The following C1S variants were observed in gnomAD, a reference collection of about 807,000 sequenced individuals.
C1S encodes complement C1s, also known as complement C1s subcomponent.
C1S carries 31 observed loss-of-function variants against 54.0 expected under a neutral mutation model. That is an observed-to-expected ratio of 0.57 (90% CI 0.43 to 0.78). The LOEUF (loss-of-function observed/expected upper bound fraction) is 0.78, where lower values mean the gene tolerates loss of function less well. Ranked by LOEUF, C1S falls within the 30% of genes least tolerant of loss-of-function variation. The pLI is 0.00. For missense variants in C1S, 727 were observed against 851.8 expected (o/e 0.85, Z 1.82); for synonymous variants, 292 against 303.6 (o/e 0.96, Z 0.40).
chr12:7,062,905 A>C lies in C1S; in HGVS notation c.229A>C (p.Thr77Pro), dbSNP rs1555161471. ...CTTCTCTTAGATAATCTCAGGAGAC[A>C]CTGAAGAAGGGAGGCTCTGTGGACA... ...YDSVQIISGD[T>P]EEGRLCGQRS... Residue 77 changes from threonine to proline, a missense_variant, in exon 4 of 12, where the codon ACT becomes CCT. Thr to Pro is a conservative substitution (Grantham distance 38). Coordinates refer to ENST00000360817, the MANE Select transcript of C1S (RefSeq NM_001734.5). 1 of 1,613,900 alleles carries C rather than the reference A, an allele frequency of 6.2e-7. No homozygotes were observed. Among genetic ancestry groups the C allele is most frequent in the African/African-American group, 1.3e-5 (1 of 74,886 alleles).
At position 7,065,131 on chromosome 12, in the gene C1S, G is replaced by C. The variant is rs1555161915; in HGVS notation, c.549G>C (p.Leu183=). The C allele has an allele frequency of 4.3e-6, 7 of 1,614,058 alleles. No individual in the cohort carries two copies. The highest frequency in any genetic ancestry group is 5.1e-6 in the Non-Finnish European group (6 of 1,179,958). Residue 183 remains leucine, a synonymous_variant, in exon 6 of 12, where the codon CTG becomes CTC. Coordinates refer to ENST00000360817, the MANE Select transcript of C1S (RefSeq NM_001734.5). ...VNCSGDVFTA[L]IGEIASPNYP... Reference sequence around the variant, plus strand: ...GCAGTGGGGATGTATTCACTGCACTGATTGGGGAGATTGCAAGTCCCAATT... The same window carrying C: ...GCAGTGGGGATGTATTCACTGCACTCATTGGGGAGATTGCAAGTCCCAATT...
Position 7,067,635 on chromosome 12 carries a change from T to G in C1S, c.1067-8T>G, listed in dbSNP as rs200457590. On this transcript the variant is annotated splice_region_variant and splice_polypyrimidine_tract_variant and intron_variant, in intron 9 of 11. Coordinates refer to ENST00000360817, the MANE Select transcript of C1S (RefSeq NM_001734.5). Reference sequence around the variant, plus strand: ...CCTGACCATCGCTCTCCTTCCTTCGTCTGGTAGCTGTGGACTGTGGCATTC... The same window carrying G: ...CCTGACCATCGCTCTCCTTCCTTCGGCTGGTAGCTGTGGACTGTGGCATTC... The G allele has an allele frequency of 4.5e-5, 72 of 1,613,858 alleles. No individual in the cohort carries two copies. In the East Asian group the frequency reaches 1.5e-3, roughly 33 times the overall value.
Position 7,062,584 on chromosome 12 carries a change from T to C in C1S, c.115T>C (p.Ser39Pro), listed in dbSNP as rs927946520. 3 of 1,613,892 alleles carry C rather than the reference T, an allele frequency of 1.9e-6. No individual in the cohort carries two copies. Among genetic ancestry groups the C allele is most frequent in the African/African-American group, 2.7e-5 (2 of 74,896 alleles). The stretch of plus-strand genomic sequence containing the variant: ...GGCATATCCCAGTGAGGTAGAGAAA[T>C]CTTGGGACATAGAAGTTCCTGAAGG... ...PQAYPSEVEK[S>P]WDIEVPEGYG... Residue 39 changes from serine (S) to proline (P), a missense_variant, in exon 3 of 12, where the codon TCT becomes CCT. Around this residue, in one of 3 missense-constraint regions of C1S, gnomAD observed 357 missense variants for 365.4 expected, o/e 0.98. Transcript: ENST00000360817.
intron 7 of C1S, 57 bp downstream of exon 7, chr12:7,066,027 G>T: frequency 6.7e-7 from 1 of 1,491,618 alleles, no homozygotes; most frequent in Non-Finnish European, 9.4e-7. Flanking sequence ...CAAACAATGT[G>T]GGATCAAAGC....
At position 7,062,890 on chromosome 12, in the gene C1S, A is replaced by G. The variant is rs1555161468; in HGVS notation, c.214A>G (p.Ile72Val). The G allele has an allele frequency of 1.9e-6, 3 of 1,613,670 alleles. No homozygotes were observed. The highest frequency in any genetic ancestry group is 1.1e-5 in the South Asian group (1 of 91,062). The change falls in exon 4 of 12, where the codon ATA (isoleucine) becomes GTA (valine). Residue 72 changes from isoleucine (I) to valine (V), a missense_variant and splice_region_variant. Transcript: ENST00000360817. ...TTTTTTTTTGTGACTCTTCTCTTAGATAATCTCAGGAGACACTGAAGAAGG... is the reference window on the plus strand; with the variant it reads ...TTTTTTTTTGTGACTCTTCTCTTAGGTAATCTCAGGAGACACTGAAGAAGG... ...SENCAYDSVQIISGDTEEGRL... is the reference protein window; with the variant it reads ...SENCAYDSVQVISGDTEEGRL...
chr12:7,069,750 A>C, intron 11 of C1S, 105 bp from the exon 12 acceptor site: 1 of 1,002,390 alleles, frequency 1.0e-6, no homozygotes, highest in Non-Finnish European at 1.6e-6. Context: ...TTTGTACTAG[A>C]GAATCCTGCA....
At chr12:7,065,622 G>A (rs988790421) in intron 6 of C1S, among the ~76,000 whole-genome samples, 195 bp from the exon 7 acceptor site, 6 of 151,774 alleles carry the variant, frequency 4.0e-5, no homozygotes, top group Admixed American at 2.6e-4. Context: ...CTCCCACCTC[G>A]GCCTCCCAAA....
chr12:7,064,856 T>G (rs1177031115), intron 5 of C1S, among the ~76,000 whole-genome samples: 1 of 152,198 alleles, frequency 6.6e-6, no homozygotes, highest in Non-Finnish European at 1.5e-5. Context: ...AAGGGTCTAC[T>G]GGGGGCTGTT....
In C1S at chr12:7,064,203, A is replaced by G. The variant is rs11064498; in HGVS notation, c.392-64A>G. On this transcript the variant is annotated intron_variant, in intron 4 of 11. Transcript: ENST00000360817. ...CTTTTTCTTACCCTTATGGTTTTGG[A>G]TTTAACCTCATTCTCCCTTCTTGGT... The G allele has an allele frequency of 0.14, 222,808 of 1,585,780 alleles. 16,462 individuals carry two copies. The highest frequency in any genetic ancestry group is 0.15 in the African/African-American group (11,495 of 74,248).
chr12:7,066,269 C>G (rs1555162204), intron 7 of C1S: 2 of 613,928 alleles, frequency 3.3e-6, no homozygotes, highest in African/African-American at 3.7e-5. Context: ...AAAATCTAAA[C>G]CAGTCAACGG....
Position 7,064,399 on chromosome 12 carries a change from T to C in C1S, c.517+7T>C. 6.2e-7 allele frequency: 1 copy of C among 1,614,078 alleles called. No homozygotes were observed. The highest frequency in any genetic ancestry group is 8.5e-7 in the Non-Finnish European group (1 of 1,179,988). On this transcript the variant is annotated splice_region_variant and intron_variant, in intron 5 of 11. Coordinates refer to ENST00000360817, the MANE Select transcript of C1S (RefSeq NM_001734.5). Reference sequence around the variant, plus strand: ...GACATGAAGAATTGCGGAGGTGAGCTTGGTGTTAAGAGGGTTGCATGTTCC... The same window carrying C: ...GACATGAAGAATTGCGGAGGTGAGCCTGGTGTTAAGAGGGTTGCATGTTCC...
At chr12:7,065,624 C>T (rs1947164222) in intron 6 of C1S, among the ~76,000 whole-genome samples, 193 bp from the exon 7 acceptor site, 1 of 152,162 alleles carries the variant, frequency 6.6e-6, no homozygotes. Context: ...CCCACCTCGG[C>T]CTCCCAAAGT....
intron 2 of C1S, 88 bp from the exon 3 acceptor site, chr12:7,062,387 C>G: frequency 1.0e-6 from 1 of 952,522 alleles, no homozygotes; most frequent in Non-Finnish European, 1.7e-6. Flanking sequence ...CTCTTCTTCC[C>G]CCTTTCTTCT....
Position 7,062,973 on chromosome 12 carries a change from C to T in C1S, c.297C>T (p.Phe99=). The T allele has an allele frequency of 1.2e-6, 2 of 1,614,000 alleles. No individual in the cohort carries two copies. Among genetic ancestry groups the T allele is most frequent in the Non-Finnish European group, 1.7e-6 (2 of 1,179,926 alleles). ...CCCACTCTCCAATTGTGGAAGAGTT[C>T]CAAGTCCCATACAACAAACTCCAGG... is the stretch of plus-strand genomic sequence containing the variant. ...NNPHSPIVEE[F]QVPYNKLQVI... Residue 99 remains phenylalanine, a synonymous_variant, in exon 4 of 12, where the codon TTC becomes TTT. Transcript: ENST00000360817.
In C1S at chr12:7,067,725, C is replaced by T; in HGVS notation, c.1149C>T (p.Arg383=). The T allele has an allele frequency of 6.2e-7, 1 of 1,613,952 alleles. No homozygotes were observed. The highest frequency in any genetic ancestry group is 8.5e-7 in the Non-Finnish European group (1 of 1,179,872). ...GCACTTTGTTTGGTTCTGTCATCCG[C>T]TACACTTGTGAGGAGCCATATTACT... The part of the protein sequence containing the change: ...PESTLFGSVI[R]YTCEEPYYYM... Residue 383 remains arginine (R), a synonymous_variant, in exon 10 of 12, where the codon CGC becomes CGT. Transcript: ENST00000360817.
At chr12:7,068,910 T>C (rs1472927472) in intron 11 of C1S, 1 of 239,266 alleles carries the variant, frequency 4.2e-6, no homozygotes, top group African/African-American at 2.2e-5. Context: ...GGCAGCAAGA[T>C]ATAGAGGAAT....
rs781870982 is a variant in C1S at position 7,070,593 on chromosome 12, A to G, written c.2009A>G (p.Asn670Ser). 2 of 1,614,150 alleles carry G rather than the reference A, an allele frequency of 1.2e-6. No homozygotes were observed. Among genetic ancestry groups the G allele is most frequent in the Non-Finnish European group, 1.7e-6 (2 of 1,180,010 alleles). Residue 670 changes from asparagine (N) to serine (S), a missense_variant, in exon 12 of 12, where the codon AAC becomes AGC. Transcript: ENST00000360817. The surrounding 1 kb of genome is among the most constrained non-coding windows in gnomAD (Gnocchi z 4.9). Reference protein sequence around the residue: ...GTYGLYTRVKNYVDWIMKTMQ... With the variant: ...GTYGLYTRVKSYVDWIMKTMQ... ...TATGGGCTCTACACACGGGTAAAGA[A>G]CTATGTTGACTGGATAATGAAGACT...
intron 2 of C1S, 143 bp from the exon 3 acceptor site, chr12:7,062,332 C>G: frequency 2.9e-6 from 2 of 699,860 alleles, no homozygotes; most frequent in Non-Finnish European, 2.6e-6. Flanking sequence ...TGGGCCTTTT[C>G]TTTATTCCGA....
intron 2 of C1S, 190 bp downstream of exon 2, chr12:7,062,107 TAAAA>T: frequency 3.8e-6 from 2 of 528,700 alleles, no homozygotes. Flanking sequence ...CTGTCTCTAT[TAAAA>T]AAAAAAAAAA....
Sources: allele counts gnomAD v4.1 joint callset (sites outside exome capture counted in the v4.1 genomes callset), GRCh38; gene constraint gnomAD v4.1.1; regional missense constraint gnomAD v4.1.1; non-coding constraint Gnocchi (gnomAD v3.1); transcripts MANE v1.5; gene names NCBI Gene and HGNC (gene_info 2026-07-23, HGNC 2026-07-21).